The following WDFY3 variants were observed in gnomAD, a reference collection of about 807,000 sequenced individuals.
WDFY3 encodes the protein WD repeat and FYVE domain-containing protein 3.
A neutral mutation model predicts 409.6 loss-of-function variants in WDFY3; 66 were observed. That is an observed-to-expected ratio of 0.16 (90% CI 0.13 to 0.20). The LOEUF (loss-of-function observed/expected upper bound fraction) is 0.20, where lower values mean the gene tolerates loss of function less well. WDFY3 is among the 10% of genes least tolerant of loss of function. The pLI is 1.00. For missense variants in WDFY3, 3,031 were observed against 4,298.1 expected (o/e 0.71, Z 8.24); for synonymous variants, 1,521 against 1,537.1 (o/e 0.99, Z 0.25).
rs1233643127 is a variant in WDFY3 at position 84,819,341 on chromosome 4, G to A, written c.1693+744C>T. ...TTCAGGCAAACAGTCATGCATTTGG[G>A]CATGGGGTTCATTCATCCATGGCTT... On this transcript the variant is annotated intron_variant, in intron 12 of 67. Coordinates refer to ENST00000295888, the MANE Select transcript of WDFY3 (RefSeq NM_014991.6). Among the ~76,000 whole-genome samples, 7 of 151,946 alleles carry A rather than the reference G, an allele frequency of 4.6e-5. No homozygotes were observed. In the South Asian group the frequency reaches 6.2e-4, roughly 14 times the overall value.
chr4:84,721,374 G>T (rs763342315), intron 47 of WDFY3, 35 bp downstream of exon 47: 9 of 1,608,500 alleles, frequency 5.6e-6, no homozygotes, highest in Middle Eastern at 3.3e-4. Flanking sequence ...TGTTACTGAA[G>T]TATTTACAAT....
intron 46 of WDFY3, 54 bp downstream of exon 46, chr4:84,724,372 A>G (rs1469502768): frequency 6.5e-7 from 1 of 1,543,358 alleles, no homozygotes; most frequent in African/African-American, 1.4e-5. Context: ...TATGAATTCA[A>G]ATACAAGAAT....
chr4:84,827,006 AT>A (rs767761461), intron 9 of WDFY3, 25 bp from the exon 10 acceptor site: 17 of 1,588,316 alleles, frequency 1.1e-5, no homozygotes, highest in Admixed American at 3.9e-5. Context: ...TTTAGAAAGT[AT>A]TTTTTTTCTC....
chr4:84,939,547 T>C (rs1370014744), intron 1 of WDFY3, among the ~76,000 whole-genome samples: 2 of 152,186 alleles, frequency 1.3e-5, no homozygotes, highest in Non-Finnish European at 2.9e-5. Context: ...CTCAGAGTCC[T>C]ACTGGAAGAA....
At position 84,798,042 on chromosome 4, in the gene WDFY3, A is replaced by G; in HGVS notation, c.2889T>C (p.Tyr963=). 6.2e-7 allele frequency: 1 copy of G among 1,613,628 alleles called. No homozygotes were observed. Among genetic ancestry groups the G allele is most frequent in the South Asian group, 1.1e-5 (1 of 91,022 alleles). Reference sequence around the variant, plus strand: ...TCAGTGAACTTGGTTTGTGGACCCTATATTGTTTTAGCAGTTTTTTGTCCC... The same window carrying G: ...TCAGTGAACTTGGTTTGTGGACCCTGTATTGTTTTAGCAGTTTTTTGTCCC... ...GAWDKKLLKQ[Y]RVHKPSSLSY... The change falls in exon 18 of 68, where the codon TAT becomes TAC. Residue 963 remains tyrosine (Y), a synonymous_variant. Transcript: ENST00000295888.
chr4:84,819,332 T>C (rs1377542737), intron 12 of WDFY3, among the ~76,000 whole-genome samples: 3 of 152,060 alleles, frequency 2.0e-5, no homozygotes, highest in Non-Finnish European at 2.9e-5. Flanking sequence ...CAAACAGTCA[T>C]GCATTTGGGC....
Position 84,669,916 on chromosome 4 carries a change from A to T in WDFY3, c.*2952T>A. 1 of 152,558 alleles carries T rather than the reference A, an allele frequency of 6.6e-6. No individual in the cohort carries two copies. The highest frequency in any genetic ancestry group is 1.5e-5 in the Non-Finnish European group (1 of 68,034). 9.5% of individuals were successfully genotyped at this position (152,558 alleles called of 1,614,324 possible). A position where few individuals can be genotyped will look rare whatever the true frequency, so the allele number is the denominator to read the frequency against. ...GACACAAAAAGTCAGCTGTGTTAAG[A>T]GTCATGCAACAAGTAACCAAACTTG... On this transcript the variant is annotated 3_prime_UTR_variant, in exon 68 of 68. Transcript: ENST00000295888.
chr4:84,724,392 T>C (rs1431903321), intron 46 of WDFY3, 34 bp downstream of exon 46: 4 of 1,568,022 alleles, frequency 2.6e-6, no homozygotes, highest in Non-Finnish European at 3.5e-6. Context: ...TGTTCCAAAA[T>C]CACTTTTAAT....
At chr4:84,837,544 T>C (rs1756757380) in intron 6 of WDFY3, among the ~76,000 whole-genome samples, 2 of 152,180 alleles carry the variant, frequency 1.3e-5, no homozygotes, top group South Asian at 4.1e-4. Flanking sequence ...GTATATTCAT[T>C]GCTGCTTTAC....
chr4:84,760,382 C>A (rs1004865083), intron 32 of WDFY3, among the ~76,000 whole-genome samples: 52 of 152,056 alleles, frequency 3.4e-4, no homozygotes, highest in African/African-American at 1.3e-3. Flanking sequence ...AGGAATGGTA[C>A]CAGCTCCTCC....
At chr4:84,752,152 A>T (rs184213934) in intron 35 of WDFY3, among the ~76,000 whole-genome samples, 3,478 of 149,142 alleles carry the variant, frequency 0.023, 50 homozygotes, top group Non-Finnish European at 0.031. Context: ...AAATAAATTT[A>T]AAAAAAAAAC....
At chr4:84,837,596 G>T (rs1432392497) in intron 6 of WDFY3, among the ~76,000 whole-genome samples, 1 of 152,032 alleles carries the variant, frequency 6.6e-6, no homozygotes, top group East Asian at 1.9e-4. Flanking sequence ...TTTTGAGGCT[G>T]GAAAGACACT....
chr4:84,782,073 C>T lies in WDFY3; in HGVS notation c.4174+890G>A, dbSNP rs1300943029. Among the ~76,000 whole-genome samples, 3 of 152,114 alleles carry T rather than the reference C, an allele frequency of 2.0e-5. No homozygotes were observed. In the South Asian group the frequency reaches 6.2e-4, roughly 31 times the overall value. On this transcript the variant is annotated intron_variant, in intron 25 of 67. Transcript: ENST00000295888. ...ATTGGTTTATGTCTCAAGATCCTAT[C>T]TAACAAAAAAACAAAAACAAAAATA...
intron 2 of WDFY3, among the ~76,000 whole-genome samples, chr4:84,911,977 G>A (rs1239847558): frequency 6.6e-6 from 1 of 152,174 alleles, no homozygotes; most frequent in Non-Finnish European, 1.5e-5. Context: ...TGTCGCTATA[G>A]TGGTAAGCTC....
chr4:84,696,848 T>TAA, intron 56 of WDFY3, 25 bp from the exon 57 acceptor site: 2 of 1,568,586 alleles, frequency 1.3e-6, no homozygotes. Flanking sequence ...ACATTAAAAA[T>TAA]AAAAAAAAAG....
chr4:84,909,417 C>A (rs1451335222), intron 2 of WDFY3, among the ~76,000 whole-genome samples: 3 of 151,472 alleles, frequency 2.0e-5, no homozygotes, highest in African/African-American at 7.3e-5. Context: ...AGAAAGGGCA[C>A]AAATGTACTA....
intron 2 of WDFY3, among the ~76,000 whole-genome samples, chr4:84,915,027 T>C (rs773149362): frequency 6.6e-6 from 1 of 152,172 alleles, no homozygotes; most frequent in Non-Finnish European, 1.5e-5. Flanking sequence ...CGCAACAACA[T>C]ACATGAACCT....
At chr4:84,767,843 G>A (rs1353916048) in intron 30 of WDFY3, among the ~76,000 whole-genome samples, 2 of 152,112 alleles carry the variant, frequency 1.3e-5, no homozygotes, top group Admixed American at 6.6e-5. Flanking sequence ...AGAACATTAG[G>A]GAGGCTGAGG....
At chr4:84,844,293 A>G (rs1757778780) in intron 5 of WDFY3, among the ~76,000 whole-genome samples, 1 of 152,138 alleles carries the variant, frequency 6.6e-6, no homozygotes, top group Non-Finnish European at 1.5e-5. Context: ...CATTAATGGT[A>G]TTATTATACT....
Sources: allele counts gnomAD v4.1 joint callset (sites outside exome capture counted in the v4.1 genomes callset), GRCh38; gene constraint gnomAD v4.1.1; transcripts MANE v1.5; gene names NCBI Gene and HGNC (gene_info 2026-07-23, HGNC 2026-07-21).